The following ATG4C variants were observed in gnomAD, a reference collection of about 807,000 sequenced individuals.
The protein encoded by ATG4C is autophagy related 4C cysteine peptidase, also known as cysteine protease ATG4C.
In ATG4C, 56 loss-of-function variants were observed where a neutral mutation model predicts 57.6. The observed-to-expected ratio is 0.97, with a 90% CI of 0.78 to 1.21. ATG4C has a LOEUF of 1.21. Among genes scored for constraint, ATG4C ranks in the 50% most tolerant of loss-of-function variants. The probability of loss-of-function intolerance (pLI) is 0.00; values close to 1 mark genes in which losing one functional copy is unlikely to be tolerated. For missense variants in ATG4C, 595 were observed against 529.8 expected (o/e 1.12, Z -1.21); for synonymous variants, 157 against 174.1 (o/e 0.90, Z 0.78).
chr1:62,819,047 C>T lies in ATG4C; in HGVS notation c.437C>T (p.Ser146Phe). ...PDALNIENSD[S>F]ESWTSHTVKK... ...GCTTTGAATATTGAAAATTCAGACT[C>T]TGAATCATGGACTTCCCACACTGTC... The change falls in exon 5 of 11, where the codon TCT becomes TTT. Residue 146 changes from serine (S) to phenylalanine (F), a missense_variant. Physicochemically the swap from Ser to Phe is radical, Grantham distance 155. Transcript: ENST00000317868. The T allele has an allele frequency of 4.4e-6, 7 of 1,588,760 alleles. No individual in the cohort carries two copies. The highest frequency in any genetic ancestry group is 6.0e-6 in the Non-Finnish European group (7 of 1,168,386).
intron 3 of ATG4C, among the ~76,000 whole-genome samples, chr1:62,806,695 C>T (rs143598765): frequency 5.0e-4 from 76 of 152,186 alleles, no homozygotes; most frequent in African/African-American, 1.5e-3. Flanking sequence ...GAAAGGCAGC[C>T]GGAGGCTGTA....
intron 1 of ATG4C, among the ~76,000 whole-genome samples, chr1:62,800,194 T>C (rs1664611495): frequency 2.0e-5 from 3 of 152,216 alleles, no homozygotes; most frequent in South Asian, 2.1e-4. Context: ...TGTGGCCTTC[T>C]TTCTTTCAGA....
rs138090865 is a variant in ATG4C, at chr1:62,824,980, G to A, written c.796+3771G>A. Among the ~76,000 whole-genome samples, 1,421 of 152,170 alleles carry A rather than the reference G, an allele frequency of 9.3e-3. 13 individuals carry two copies. The highest frequency in any genetic ancestry group is 0.039 in the South Asian group (187 of 4,824). On this transcript the variant is annotated intron_variant, in intron 6 of 10. Transcript: ENST00000317868. ...TGGCTGGGCATGGTGGCTCATGGCT[G>A]TAATCCCAGCACTTTGGGAAACCAA...
In ATG4C at chr1:62,805,156, T is replaced by C. The variant is rs1421390719; in HGVS notation, c.77-16T>C. On this transcript the variant is annotated splice_polypyrimidine_tract_variant and intron_variant, in intron 2 of 10. Coordinates refer to ENST00000317868, the MANE Select transcript of ATG4C (RefSeq NM_032852.4). ...AATTACAAAACGTTTTCTTTTCTTT[T>C]TTTTTTTTTTGCTAGGTTGGGTGTT... The C allele has an allele frequency of 1.4e-6, 2 of 1,465,240 alleles. No homozygotes were observed. The highest frequency in any genetic ancestry group is 1.8e-6 in the Non-Finnish European group (2 of 1,101,240). The allele number at this position is 1,465,240 out of a possible 1,614,324, so 90.8% of individuals were successfully genotyped here. A position where few individuals can be genotyped will look rare whatever the true frequency, so the allele number is the denominator to read the frequency against.
At chr1:62,788,261 A>C (rs1225560998) in intron 1 of ATG4C, among the ~76,000 whole-genome samples, 1 of 152,142 alleles carries the variant, frequency 6.6e-6, no homozygotes, top group Non-Finnish European at 1.5e-5. Context: ...CCTAACTTCT[A>C]CTTTTTCCCT....
intron 10 of ATG4C, among the ~76,000 whole-genome samples, chr1:62,848,545 A>ATGTTTT (rs1666396899): frequency 6.6e-6 from 1 of 152,212 alleles, no homozygotes; most frequent in Non-Finnish European, 1.5e-5. Flanking sequence ...AAATGGAAAC[A>ATGTTTT]ATAGCAAATT....
intron 9 of ATG4C, among the ~76,000 whole-genome samples, chr1:62,839,085 G>A (rs972074954): frequency 6.6e-6 from 1 of 152,164 alleles, no homozygotes; most frequent in Non-Finnish European, 1.5e-5. Flanking sequence ...TAGAGATGGA[G>A]TTTTGTTCTG....
At chr1:62,794,124 T>C (rs759672407) in intron 1 of ATG4C, among the ~76,000 whole-genome samples, 2 of 152,244 alleles carry the variant, frequency 1.3e-5, no homozygotes, top group African/African-American at 4.8e-5. Flanking sequence ...ATAATTCTTA[T>C]TTTGGTCTTC....
intron 10 of ATG4C, among the ~76,000 whole-genome samples, chr1:62,842,489 C>T (rs1208916826): frequency 6.6e-6 from 1 of 151,778 alleles, no homozygotes; most frequent in Non-Finnish European, 1.5e-5. Flanking sequence ...TTAGTAGAGA[C>T]GGGGTTTCTC....
chr1:62,841,289 C>T (rs12743698), intron 9 of ATG4C, 139 bp from the exon 10 acceptor site: 296,536 of 672,836 alleles, frequency 0.44, 66,581 homozygotes, highest in East Asian at 0.64. Context: ...GGACCATCTG[C>T]GTAGGATGAA....
intron 3 of ATG4C, 62 bp from the exon 4 acceptor site, chr1:62,816,510 GATA>G: frequency 9.1e-7 from 1 of 1,102,554 alleles, no homozygotes; most frequent in Non-Finnish European, 1.3e-6. Context: ...AGACAGTAAT[GATA>G]ATGTTTGTTA....
intron 10 of ATG4C, among the ~76,000 whole-genome samples, chr1:62,855,031 C>G (rs773194610): frequency 6.7e-6 from 1 of 148,766 alleles, no homozygotes; most frequent in Non-Finnish European, 1.5e-5. Flanking sequence ...AAGAATAAAT[C>G]TTTATTTTTG....
chr1:62,807,959 A>G (rs1281154107), intron 3 of ATG4C, among the ~76,000 whole-genome samples: 1 of 152,150 alleles, frequency 6.6e-6, no homozygotes, highest in Non-Finnish European at 1.5e-5. Context: ...TGCTAACTTC[A>G]GGTAGTTAGT....
At chr1:62,790,985 G>C (rs1257336801) in intron 1 of ATG4C, among the ~76,000 whole-genome samples, 2 of 152,138 alleles carry the variant, frequency 1.3e-5, no homozygotes, top group Non-Finnish European at 2.9e-5. Flanking sequence ...TTTATAACCA[G>C]AATGGAAAGA....
chr1:62,850,649 GCATTCTCTTCCTA>G lies in ATG4C; in HGVS notation c.1209+9105_1209+9117del, dbSNP rs943970940. On this transcript the variant is annotated intron_variant, in intron 10 of 10. Coordinates refer to ENST00000317868, the MANE Select transcript of ATG4C (RefSeq NM_032852.4). Reference sequence around the variant, plus strand: ...GGGTTTCGTTTGTTTCCTGTGCCTGGCATTCTCTTCCTACAGATATTCTCATGGTTCTCTCCCT... The same window carrying G: ...GGGTTTCGTTTGTTTCCTGTGCCTGGCAGATATTCTCATGGTTCTCTCCCT... 2.6e-5 allele frequency among the ~76,000 whole-genome samples: 4 copies of G among 151,548 alleles called. No homozygotes were observed. The East Asian group carries it at 7.8e-4, about 29-fold the overall frequency.
At chr1:62,821,021 CTA>C (rs1665463261) in intron 5 of ATG4C, 116 bp from the exon 6 acceptor site, 4 of 661,620 alleles carry the variant, frequency 6.0e-6, no homozygotes, top group African/African-American at 1.9e-5. Flanking sequence ...ACAGCAGACA[CTA>C]TGAGTTAAAT....
At chr1:62,863,937 T>A in intron 10 of ATG4C, 55 bp from the exon 11 acceptor site, 1 of 1,271,370 alleles carries the variant, frequency 7.9e-7, no homozygotes, top group Non-Finnish European at 1.1e-6. Context: ...TGTCGTGTGG[T>A]CTTAGTGTGC....
At chr1:62,819,498 T>C (rs2100319410) in intron 5 of ATG4C, among the ~76,000 whole-genome samples, 163 bp downstream of exon 5, 1 of 152,204 alleles carries the variant, frequency 6.6e-6, no homozygotes, top group East Asian at 1.9e-4. Context: ...AGAAGACATA[T>C]TGCGACTCTA....
chr1:62,837,998 A>T (rs929736279), intron 9 of ATG4C, among the ~76,000 whole-genome samples: 5 of 152,160 alleles, frequency 3.3e-5, no homozygotes, highest in Non-Finnish European at 7.4e-5. Flanking sequence ...TTTCTAATTA[A>T]CTGTCTTAGG....
Sources: gnomAD v4.1 joint callset for allele counts (sites outside exome capture counted in the v4.1 genomes callset) on GRCh38, gnomAD v4.1.1 for gene constraint, MANE v1.5 for transcripts, NCBI Gene and HGNC (gene_info 2026-07-23, HGNC 2026-07-21) for gene names.